Variants in FRMD6 observed in about 807,000 individuals in gnomAD.
The protein encoded by FRMD6 is FERM domain containing 6.
FRMD6 carries 37 observed loss-of-function variants against 73.2 expected under a neutral mutation model. The observed-to-expected ratio is 0.51, with a 90% CI of 0.39 to 0.66. The LOEUF (loss-of-function observed/expected upper bound fraction) is 0.66. Ranked by LOEUF, FRMD6 falls within the 30% of genes least tolerant of loss-of-function variation. FRMD6 has a pLI of 0.00. For missense variants in FRMD6, 714 were observed against 780.5 expected (o/e 0.91, Z 1.02); for synonymous variants, 273 against 282.2 (o/e 0.97, Z 0.33).
intron 1 of FRMD6, among the ~76,000 whole-genome samples, chr14:51,560,668 G>A (rs1307850783): frequency 6.6e-6 from 1 of 152,138 alleles, no homozygotes; most frequent in African/African-American, 2.4e-5. Context: ...TATTTTAGTA[G>A]AGACAGGGTT....
the FRMD6 span, among the ~76,000 whole-genome samples, chr14:51,450,891 T>C: frequency 6.6e-6 from 1 of 152,226 alleles, no homozygotes; most frequent in Non-Finnish European, 1.5e-5. Flanking sequence ...TGTGTACTCC[T>C]GTGAACTTGG....
chr14:51,500,466 G>T (rs973852082), intron 1 of FRMD6, among the ~76,000 whole-genome samples: 15 of 152,110 alleles, frequency 9.9e-5, no homozygotes, highest in Admixed American at 2.0e-4. Context: ...AGCGGAGGTG[G>T]CAGTGAGCCA....
At chr14:51,711,917 A>G (rs1390130772) in intron 8 of FRMD6, among the ~76,000 whole-genome samples, 4 of 152,232 alleles carry the variant, frequency 2.6e-5, no homozygotes, top group African/African-American at 9.6e-5. Context: ...AGTGATTTTA[A>G]ATATTCTTTT....
chr14:51,532,111 A>G (rs1221177431), intron 1 of FRMD6, among the ~76,000 whole-genome samples: 3 of 152,150 alleles, frequency 2.0e-5, no homozygotes, highest in Admixed American at 6.5e-5. Flanking sequence ...GCTCACGCCT[A>G]TAATCCCAGT....
chr14:51,646,344 C>T (rs1317387306), intron 2 of FRMD6, among the ~76,000 whole-genome samples: 1 of 138,208 alleles, frequency 7.2e-6, no homozygotes, highest in African/African-American at 2.7e-5. Flanking sequence ...AAAAAAAAAC[C>T]CACTGAAGAG....
rs187622399 is a variant in FRMD6, at chr14:51,716,687, T to G, written c.1024+1188T>G. Among the ~76,000 whole-genome samples, 1,258 of 152,072 alleles carry G rather than the reference T, an allele frequency of 8.3e-3. 11 individuals are homozygous for G. The highest frequency in any genetic ancestry group is 0.011 in the Non-Finnish European group (766 of 68,028). On this transcript the variant is annotated intron_variant, in intron 10 of 13. Transcript: ENST00000344768. ...TCCTCACTGTCTGCCACAAACTGCC[T>G]GTGTCTTCAGAGAGAATTGGTATAA...
At chr14:51,428,954 G>GGGGGAGAGAGAGGGTGAGAGACAGA in the FRMD6 span, among the ~76,000 whole-genome samples, 4 of 55,970 alleles carry the variant, frequency 7.1e-5, no homozygotes, top group Non-Finnish European at 1.1e-4. Flanking sequence ...GAGAGACAGA[G>GGGGGAGAGAGAGGGTGAGAGACAGA]GGGGAGAGAG....
intron 2 of FRMD6, among the ~76,000 whole-genome samples, chr14:51,626,887 T>C (rs902649501): frequency 1.3e-5 from 2 of 152,242 alleles, no homozygotes; most frequent in Admixed American, 6.5e-5. Context: ...TTAGCTATAA[T>C]TTGTAAAGTA....
At chr14:51,641,552 G>A (rs1247613489) in intron 2 of FRMD6, among the ~76,000 whole-genome samples, 1 of 152,090 alleles carries the variant, frequency 6.6e-6, no homozygotes, top group Non-Finnish European at 1.5e-5. Context: ...ATAAAGTTAG[G>A]GGAACGGTGG....
intron 2 of FRMD6, among the ~76,000 whole-genome samples, chr14:51,626,112 G>T (rs2139950336): frequency 6.6e-6 from 1 of 152,252 alleles, no homozygotes; most frequent in African/African-American, 2.4e-5. Context: ...CTATGAAGGT[G>T]GTACATACAC....
At chr14:51,682,984 A>T (rs1894905041) in intron 1 of FRMD6, among the ~76,000 whole-genome samples, 2 of 152,176 alleles carry the variant, frequency 1.3e-5, no homozygotes, top group Admixed American at 1.3e-4. Flanking sequence ...ACTAAAACAG[A>T]TGTCCTCTAC....
At chr14:51,426,200 T>C in the FRMD6 span, among the ~76,000 whole-genome samples, 1 of 152,142 alleles carries the variant, frequency 6.6e-6, no homozygotes, top group Non-Finnish European at 1.5e-5. Flanking sequence ...TAATCGTTAG[T>C]TATATTCAAA....
At chr14:51,540,405 C>T (rs1200309486) in intron 1 of FRMD6, among the ~76,000 whole-genome samples, 1 of 152,090 alleles carries the variant, frequency 6.6e-6, no homozygotes, top group Non-Finnish European at 1.5e-5. Flanking sequence ...GGTTTTGCTT[C>T]AGGTGTTTTG....
intron 9 of FRMD6, chr14:51,713,966 T>A (rs994322308): frequency 6.6e-6 from 1 of 152,218 alleles, no homozygotes; most frequent in Non-Finnish European, 1.5e-5. Context: ...ATTGCCCTTA[T>A]CTGAGGAGTC....
chr14:51,436,906 A>C, the FRMD6 span: 1 of 592,274 alleles, frequency 1.7e-6, no homozygotes, highest in South Asian at 2.3e-5. Flanking sequence ...ATGAAGGTGA[A>C]GAAGAAGAAG....
chr14:51,578,844 G>A (rs1888547895), intron 2 of FRMD6: 1 of 152,226 alleles, frequency 6.6e-6, no homozygotes. Context: ...CCAGAGAAGA[G>A]GACCCATGCA....
At chr14:51,655,237 C>CTAGAGTTA (rs1252822495) in intron 1 of FRMD6, among the ~76,000 whole-genome samples, 11 of 152,188 alleles carry the variant, frequency 7.2e-5, no homozygotes, top group Non-Finnish European at 1.2e-4. Flanking sequence ...ACTCCCAGTA[C>CTAGAGTTA]TAGAGTTATA....
intron 2 of FRMD6, chr14:51,584,373 A>G (rs1888901948): frequency 6.6e-6 from 1 of 152,182 alleles, no homozygotes; most frequent in South Asian, 2.1e-4. Context: ...GCTCAGTGAA[A>G]ACAGTAGAAT....
intron 2 of FRMD6, among the ~76,000 whole-genome samples, chr14:51,572,112 G>A (rs755809274): frequency 1.1e-4 from 16 of 152,236 alleles, no homozygotes; most frequent in Admixed American, 4.6e-4. Flanking sequence ...CATTAGGGAC[G>A]TGATAAAATA....
Sources: gnomAD v4.1 joint callset for allele counts (sites outside exome capture counted in the v4.1 genomes callset) on GRCh38, gnomAD v4.1.1 for gene constraint, MANE v1.5 for transcripts, NCBI Gene and HGNC (gene_info 2026-07-23, HGNC 2026-07-21) for gene names.